ADAMTS17: variants seen among roughly 807,000 people sequenced by gnomAD.
ADAMTS17 encodes ADAM metallopeptidase with thrombospondin type 1 motif 17, also known as A disintegrin and metalloproteinase with thrombospondin motifs 17.
Under a neutral mutation model 141.5 loss-of-function variants are expected in ADAMTS17, and 113 were observed. The observed-to-expected ratio is 0.80, with a 90% CI of 0.69 to 0.93. The LOEUF (loss-of-function observed/expected upper bound fraction) is 0.93. ADAMTS17 is among the 40% of genes least tolerant of loss of function. ADAMTS17 has a pLI of 0.00. For synonymous variants in ADAMTS17, 768 were observed against 630.6 expected (o/e 1.22, Z -3.27); for missense variants, 1,659 against 1,517.9 (o/e 1.09, Z -1.54).
intron 3 of ADAMTS17, among the ~76,000 whole-genome samples, chr15:100,294,377 G>A (rs923092404): frequency 2.6e-5 from 4 of 152,102 alleles, no homozygotes; most frequent in African/African-American, 4.8e-5. Flanking sequence ...CAGGAGGCAT[G>A]AAATAACTTC....
At chr15:100,091,792 TG>T (rs2035486746) in intron 15 of ADAMTS17, among the ~76,000 whole-genome samples, 2 of 152,356 alleles carry the variant, frequency 1.3e-5, no homozygotes, top group South Asian at 4.1e-4. Context: ...TCTTTTTTTT[TG>T]TTTAGTAAAT....
chr15:100,223,753 T>C (rs2042212401), intron 7 of ADAMTS17, among the ~76,000 whole-genome samples: 4 of 151,084 alleles, frequency 2.6e-5, no homozygotes, highest in Admixed American at 2.6e-4. Context: ...TGTATATATA[T>C]ATACACACAC....
At chr15:100,178,415 G>T (rs996670364) in intron 8 of ADAMTS17, among the ~76,000 whole-genome samples, 2 of 152,122 alleles carry the variant, frequency 1.3e-5, no homozygotes, top group African/African-American at 4.8e-5. Flanking sequence ...AGAGAAATGT[G>T]ACATTTATTT....
At chr15:100,109,708 C>T (rs550951359) in intron 13 of ADAMTS17, among the ~76,000 whole-genome samples, 18 of 152,226 alleles carry the variant, frequency 1.2e-4, no homozygotes, top group African/African-American at 4.3e-4. Context: ...CGCATGTGCA[C>T]CCAGGCAGGA....
chr15:100,246,145 C>T (rs962828877), intron 7 of ADAMTS17, among the ~76,000 whole-genome samples: 55 of 152,278 alleles, frequency 3.6e-4, no homozygotes, highest in African/African-American at 1.3e-3. Context: ...GGAGGAAATA[C>T]TCTACGGATG....
chr15:100,292,833 T>C (rs1416425696), intron 3 of ADAMTS17, among the ~76,000 whole-genome samples: 2 of 152,206 alleles, frequency 1.3e-5, no homozygotes, highest in African/African-American at 2.4e-5. Context: ...AAAAGAATCA[T>C]GCTGGATTAT....
intron 14 of ADAMTS17, among the ~76,000 whole-genome samples, chr15:100,106,585 C>G (rs544462929): frequency 6.6e-6 from 1 of 152,218 alleles, no homozygotes. Flanking sequence ...GCCAGTAACA[C>G]AGACCCCACT....
rs764713824 is a variant in ADAMTS17, at chr15:100,096,491, G to A, written c.2017-15C>T. On this transcript the variant is annotated splice_polypyrimidine_tract_variant and intron_variant, in intron 14 of 21. Transcript: ENST00000268070. ...CAGCCGATTTTCTAAAGAACCAGAG[G>A]GCCTCATTATTCTGTGGTTAAGACT... 3 of 1,613,930 alleles carry A rather than the reference G, an allele frequency of 1.9e-6. No homozygotes were observed. Among genetic ancestry groups the A allele is most frequent in the Admixed American group, 1.7e-5 (1 of 60,012 alleles).
At chr15:100,116,734 T>A (rs1409657654) in intron 13 of ADAMTS17, 113 bp downstream of exon 13, 4 of 1,435,332 alleles carry the variant, frequency 2.8e-6, no homozygotes, top group Non-Finnish European at 3.9e-6. Flanking sequence ...AGGACTGGAG[T>A]GTCTTGCTGG....
At chr15:100,180,339 T>C (rs968703929) in intron 8 of ADAMTS17, among the ~76,000 whole-genome samples, 2 of 152,200 alleles carry the variant, frequency 1.3e-5, no homozygotes, top group Non-Finnish European at 2.9e-5. Flanking sequence ...ATGTATGAAT[T>C]TGTTTCTGGG....
In ADAMTS17 at chr15:100,116,894, C is replaced by T. The variant is rs144928920; in HGVS notation, c.1841G>A (p.Arg614Gln). 36 of 1,614,038 alleles carry T rather than the reference C, an allele frequency of 2.2e-5. No individual in the cohort carries two copies. Among genetic ancestry groups the T allele is most frequent in the East Asian group, 6.7e-5 (3 of 44,896 alleles). The change falls in exon 13 of 22, where the codon CGG becomes CAG. Residue 614 changes from arginine (R) to glutamine (Q), a missense_variant. Coordinates refer to ENST00000268070, the MANE Select transcript of ADAMTS17 (RefSeq NM_139057.4). Reference sequence around the variant, plus strand: ...CAGGCCTTTCTTCTTGGGGCTCAGCCGGTCGTGTGCCTGGCACTGCTGGTC... The same window carrying T: ...CAGGCCTTTCTTCTTGGGGCTCAGCTGGTCGTGTGCCTGGCACTGCTGGTC... ...FRDQQCQAHD[R>Q]LSPKKKGLLT... is the part of the protein sequence containing the mutation.
intron 9 of ADAMTS17, 140 bp downstream of exon 9, chr15:100,155,040 C>G: frequency 8.0e-7 from 1 of 1,253,618 alleles, no homozygotes; most frequent in East Asian, 2.4e-5. Flanking sequence ...GGACACTCTG[C>G]GCTGACCGCC....
intron 7 of ADAMTS17, among the ~76,000 whole-genome samples, chr15:100,253,134 T>G (rs1472212789): frequency 1.3e-5 from 2 of 151,910 alleles, no homozygotes; most frequent in East Asian, 3.9e-4. Flanking sequence ...GATTCACAAT[T>G]TTGATTCTGG....
Position 100,063,743 on chromosome 15 carries a change from G to A in ADAMTS17, c.2138-9689C>T, listed in dbSNP as rs561357372. ...TCCTCCGAGCTCCAGCAGGAATGAC[G>A]GCAGCTTCGATATAACCTGTAGCAA... On this transcript the variant is annotated intron_variant, in intron 15 of 21. Transcript: ENST00000268070. The A allele has an allele frequency of 6.4e-4, 821 of 1,290,024 alleles. 8 individuals are homozygous for A. The South Asian group carries it at 9.4e-3, about 15-fold the overall frequency. 79.9% of individuals were successfully genotyped at this position (1,290,024 alleles called of 1,614,324 possible). A position where few individuals can be genotyped will look rare whatever the true frequency, so the allele number is the denominator to read the frequency against.
intron 14 of ADAMTS17, among the ~76,000 whole-genome samples, chr15:100,107,191 G>GCCT (rs1229389413): frequency 6.6e-6 from 1 of 152,178 alleles, no homozygotes; most frequent in Non-Finnish European, 1.5e-5. Flanking sequence ...TTTATGCCTT[G>GCCT]CCTCCTCTTG....
rs145823528 is a variant in ADAMTS17, at chr15:100,310,772, C to T, written c.616+20117G>A. Among the ~76,000 whole-genome samples, 442 of 152,300 alleles carry T rather than the reference C, an allele frequency of 2.9e-3. 4 individuals are homozygous for T. Among genetic ancestry groups the T allele is most frequent in the African/African-American group, 9.7e-3 (404 of 41,560 alleles). On this transcript the variant is annotated intron_variant, in intron 3 of 21. Coordinates refer to ENST00000268070, the MANE Select transcript of ADAMTS17 (RefSeq NM_139057.4). ...GCTTCATTGTCCAGCTCCATCCAAA[C>T]GCCACGGCAGGGGGTTTGATCTACG...
In ADAMTS17 at chr15:100,261,484, C is replaced by G. The variant is rs751968862; in HGVS notation, c.1026G>C (p.Val342=). The stretch of plus-strand genomic sequence containing the variant: ...CAGGCCAAATCCCATCTTACCTGGT[C>G]ACAAACACGGCAGCATCCACCAGGG... ...DPPLVDAAVF[V]TRTDFCVHKD... Residue 342 remains valine, a synonymous_variant, in exon 6 of 22, where the codon GTG becomes GTC. Coordinates refer to ENST00000268070, the MANE Select transcript of ADAMTS17 (RefSeq NM_139057.4). 6.2e-7 allele frequency: 1 copy of G among 1,614,078 alleles called. No individual in the cohort carries two copies. The highest frequency in any genetic ancestry group is 2.2e-5 in the East Asian group (1 of 44,870).
chr15:100,184,710 G>A (rs1271950037), intron 8 of ADAMTS17, among the ~76,000 whole-genome samples: 8 of 152,214 alleles, frequency 5.3e-5, no homozygotes, highest in Admixed American at 3.3e-4. Context: ...TGGGAACTCC[G>A]CTCCTGTGTC....
intron 18 of ADAMTS17, among the ~76,000 whole-genome samples, chr15:100,008,063 G>A (rs2061072912): frequency 6.6e-6 from 1 of 151,298 alleles, no homozygotes; most frequent in Admixed American, 6.6e-5. Flanking sequence ...GCAGGGAAAG[G>A]CTGCTGGCCC....
Sources: allele counts gnomAD v4.1 joint callset (sites outside exome capture counted in the v4.1 genomes callset), GRCh38; gene constraint gnomAD v4.1.1; transcripts MANE v1.5; gene names NCBI Gene and HGNC (gene_info 2026-07-23, HGNC 2026-07-21).